The following JAG2 variants were observed in gnomAD, a reference collection of about 807,000 sequenced individuals.
JAG2 encodes jagged canonical Notch ligand 2, also known as protein jagged-2.
In JAG2, 46 loss-of-function variants were observed where a neutral mutation model predicts 141.7. The ratio of observed to expected loss-of-function variants is 0.32; its 90% CI spans 0.26 to 0.42. The LOEUF is 0.42. Ranked by LOEUF, JAG2 falls within the 10% of genes least tolerant of loss-of-function variation. The pLI, the probability that JAG2 is intolerant of heterozygous loss-of-function variation, is 1.00. For synonymous variants in JAG2, 862 were observed against 763.5 expected (o/e 1.13, Z -2.13); for missense variants, 1,500 against 1,817.5 (o/e 0.83, Z 3.18).
At chr14:105,166,106 G>C (rs587700774) in intron 2 of JAG2, among the ~76,000 whole-genome samples, 12 of 152,308 alleles carry the variant, frequency 7.9e-5, no homozygotes, top group Admixed American at 5.2e-4. Flanking sequence ...TGGGGCATTC[G>C]AGGAACCGGC....
chr14:105,153,951 C>A (rs1303240388), intron 5 of JAG2, among the ~76,000 whole-genome samples: 1 of 152,226 alleles, frequency 6.6e-6, no homozygotes, highest in Non-Finnish European at 1.5e-5. Flanking sequence ...ACCAGGTCCA[C>A]CTTGTTGCAC....
chr14:105,146,066 C>T, intron 22 of JAG2, 93 bp from the exon 23 acceptor site: 1 of 1,530,880 alleles, frequency 6.5e-7, no homozygotes, highest in Non-Finnish European at 8.8e-7. Flanking sequence ...GCACGGGCCC[C>T]ATGCCAAGGA....
At chr14:105,159,270 G>A (rs891831460) in intron 2 of JAG2, among the ~76,000 whole-genome samples, 16 of 152,038 alleles carry the variant, frequency 1.1e-4, no homozygotes, top group South Asian at 2.1e-4. Flanking sequence ...ACCCGGGGAC[G>A]GCCCGAGGAG....
chr14:105,147,255 G>A, intron 20 of JAG2, 71 bp downstream of exon 20: 1 of 1,198,856 alleles, frequency 8.3e-7, no homozygotes, highest in Non-Finnish European at 1.2e-6. Flanking sequence ...CGTGGACGTT[G>A]ATGTCCCCAG....
At chr14:105,157,361 G>A (rs1378170867) in intron 3 of JAG2, among the ~76,000 whole-genome samples, 1 of 152,028 alleles carries the variant, frequency 6.6e-6, no homozygotes, top group Non-Finnish European at 1.5e-5. Context: ...TCAGGGAGAG[G>A]GCCACCAAGG....
rs1888996228 is a variant in JAG2, at chr14:105,168,517, G to C, written c.-97C>G. ...CCCAGCGCCCGCCCGCCCTCCGAGC[G>C]CCCGCAGAGGCAGCGGCAGCGGCAG... is the stretch of plus-strand genomic sequence containing the variant. On this transcript the variant is annotated 5_prime_UTR_variant, in exon 1 of 26. Coordinates refer to ENST00000331782, the MANE Select transcript of JAG2 (RefSeq NM_002226.5). The C allele has an allele frequency of 5.3e-6, 1 of 190,092 alleles. No homozygotes were observed. The highest frequency in any genetic ancestry group is 9.4e-6 in the Non-Finnish European group (1 of 106,772). 11.8% of individuals were successfully genotyped at this position (190,092 alleles called of 1,614,324 possible). A position where few individuals can be genotyped will look rare whatever the true frequency, so the allele number is the denominator to read the frequency against.
At chr14:105,155,699 G>T (rs757025188) in intron 4 of JAG2, 39 bp downstream of exon 4, 1 of 1,612,342 alleles carries the variant, frequency 6.2e-7, no homozygotes, top group South Asian at 1.1e-5. Context: ...CCTGCCCGAG[G>T]CCCTCCCTGC....
intron 5 of JAG2, among the ~76,000 whole-genome samples, chr14:105,153,454 GC>G (rs1261224103): frequency 6.6e-6 from 1 of 152,254 alleles, no homozygotes; most frequent in Non-Finnish European, 1.5e-5. Context: ...AGCGGCCACA[GC>G]CGGGCTCAGA....
intron 5 of JAG2, among the ~76,000 whole-genome samples, chr14:105,152,549 C>T (rs10138846): frequency 5.5e-4 from 84 of 152,274 alleles, no homozygotes; most frequent in Admixed American, 9.1e-4. Context: ...GGGATTCACC[C>T]GTGAGCTGGG....
Position 105,148,119 on chromosome 14 carries a change from C to T in JAG2, c.2245G>A (p.Val749Ile), listed in dbSNP as rs778931774. Residue 749 changes from valine to isoleucine, a missense_variant, in exon 17 of 26, where the codon GTC (valine) becomes ATC (isoleucine). Val to Ile is a conservative substitution (Grantham distance 29, BLOSUM62 3). Coordinates refer to ENST00000331782, the MANE Select transcript of JAG2 (RefSeq NM_002226.5). ...AGAGGCAGCGGGGGCTCCTCACCGACGGCGCAGGTGCTGCCCTTCCAGCCG... is the reference window on the plus strand; with the variant it reads ...AGAGGCAGCGGGGGCTCCTCACCGATGGCGCAGGTGCTGCCCTTCCAGCCG... ...PPGWKGSTCAVAKNSSCLPNP... is the reference protein window; with the variant it reads ...PPGWKGSTCAIAKNSSCLPNP... 16 of 1,546,566 alleles carry T rather than the reference C, an allele frequency of 1.0e-5. No individual in the cohort carries two copies. Among genetic ancestry groups the T allele is most frequent in the African/African-American group, 2.7e-5 (2 of 72,946 alleles).
intron 5 of JAG2, among the ~76,000 whole-genome samples, chr14:105,155,296 C>T (rs1888546522): frequency 6.6e-6 from 1 of 152,104 alleles, no homozygotes; most frequent in Admixed American, 6.5e-5. Flanking sequence ...GCCTCCGGGT[C>T]TCTGCCCCTC....
chr14:105,144,847 A>G (rs2140970455), intron 24 of JAG2, 83 bp downstream of exon 24: 7 of 1,534,304 alleles, frequency 4.6e-6, no homozygotes, highest in Non-Finnish European at 6.2e-6. Flanking sequence ...TAGCCTCGCC[A>G]GAGCCTCTGT....
At chr14:105,146,867 C>G in intron 20 of JAG2, 143 bp from the exon 21 acceptor site, 1 of 738,940 alleles carries the variant, frequency 1.4e-6, no homozygotes, top group Admixed American at 2.0e-5. Context: ...CGAGCCCAAG[C>G]TGCTGCCTGC....
Position 105,148,736 on chromosome 14 carries a change from A to AAC in JAG2, c.2020+7_2020+8dup. 2.6e-6 allele frequency: 4 copies of AAC among 1,555,942 alleles called. No individual in the cohort carries two copies. Among genetic ancestry groups the AAC allele is most frequent in the Non-Finnish European group, 3.5e-6 (4 of 1,150,126 alleles). ...CACAGGCCGTGTGGGCGGGTGCTGGAACACTCACTGGTGTCGCAGAGCTCG... is the reference window on the plus strand; with the variant it reads ...CACAGGCCGTGTGGGCGGGTGCTGGAACACACTCACTGGTGTCGCAGAGCTCG... On this transcript the variant is annotated intron_variant, in intron 15 of 25. Transcript: ENST00000331782.
chr14:105,142,886 C>T lies in JAG2; in HGVS notation c.3526G>A (p.Glu1176Lys). ...PGPAGHAAVR[E>K]DEEDEDLGRG... is the part of the protein sequence containing the mutation. ...CCCAGATCCTCGTCCTCCTCATCCT[C>T]CCTGACGGCCGCGTGGCCGGCCGGC... The change falls in exon 26 of 26, where the codon GAG (glutamate) becomes AAG (lysine). Residue 1176 changes from glutamate to lysine, a missense_variant. By Grantham distance (56) the Glu-to-Lys change is moderately conservative. This residue lies in a region of JAG2 where 425 missense variants were observed against 441.0 expected (regional missense o/e 0.96). Coordinates refer to ENST00000331782, the MANE Select transcript of JAG2 (RefSeq NM_002226.5). 6.2e-7 allele frequency: 1 copy of T among 1,602,040 alleles called. No homozygotes were observed. The highest frequency in any genetic ancestry group is 8.5e-7 in the Non-Finnish European group (1 of 1,174,460).
rs1406284839 is a variant in JAG2, at chr14:105,154,633, C to T, written c.788+929G>A. Among the ~76,000 whole-genome samples the T allele has an allele frequency of 6.6e-6, 1 of 152,124 alleles. No individual in the cohort carries two copies. The highest frequency in any genetic ancestry group is 1.5e-5 in the Non-Finnish European group (1 of 68,000). ...TCCATCCGCCCTGACCTGTGGCAGC[C>T]GGGACTTGCTCCTTGGCCTCCCTCC... is the stretch of plus-strand genomic sequence containing the variant. On this transcript the variant is annotated intron_variant, in intron 5 of 25. Coordinates refer to ENST00000331782, the MANE Select transcript of JAG2 (RefSeq NM_002226.5). The surrounding 1 kb of genome is among the most constrained non-coding windows in gnomAD (Gnocchi z 4.4).
chr14:105,147,735 G>A lies in JAG2; in HGVS notation c.2365+37C>T, dbSNP rs779994134. ...GGGGCAGGGATGTCATCTGGGTGGA[G>A]GAAAGCGGCCCCCGCCCACACCCCT... On this transcript the variant is annotated intron_variant, in intron 18 of 25. Transcript: ENST00000331782. 7.0e-6 allele frequency: 10 copies of A among 1,431,028 alleles called. No homozygotes were observed. In the East Asian group the frequency reaches 1.5e-4, roughly 21 times the overall value. The allele number at this position is 1,431,028 out of a possible 1,614,324, so 88.6% of individuals were successfully genotyped here. A position where few individuals can be genotyped will look rare whatever the true frequency, so the allele number is the denominator to read the frequency against.
rs1430304314 is a variant in JAG2, at chr14:105,142,651, C to T, written c.*44G>A. 2 of 1,473,202 alleles carry T rather than the reference C, an allele frequency of 1.4e-6. No individual in the cohort carries two copies. The highest frequency in any genetic ancestry group is 1.9e-6 in the Non-Finnish European group (2 of 1,077,198). 91.3% of individuals were successfully genotyped at this position (1,473,202 alleles called of 1,614,324 possible). A position where few individuals can be genotyped will look rare whatever the true frequency, so the allele number is the denominator to read the frequency against. ...CCTCCGGGTCCGGCAGACGGCATGG[C>T]TCCCACCGAGGGCCCTGGGTCCCGG... On this transcript the variant is annotated 3_prime_UTR_variant, in exon 26 of 26. Coordinates refer to ENST00000331782, the MANE Select transcript of JAG2 (RefSeq NM_002226.5).
At chr14:105,158,890 A>G (rs1888652302) in intron 2 of JAG2, among the ~76,000 whole-genome samples, 1 of 152,004 alleles carries the variant, frequency 6.6e-6, no homozygotes, top group Admixed American at 6.5e-5. Context: ...ACCAGCCCCA[A>G]GGCCTGGCTA....
Sources: allele counts gnomAD v4.1 joint callset (sites outside exome capture counted in the v4.1 genomes callset), GRCh38; gene constraint gnomAD v4.1.1; regional missense constraint gnomAD v4.1.1; non-coding constraint Gnocchi (gnomAD v3.1); transcripts MANE v1.5; gene names NCBI Gene and HGNC (gene_info 2026-07-23, HGNC 2026-07-21).